The following GALNT3 variants were observed in gnomAD, a reference collection of about 807,000 sequenced individuals.
GALNT3 encodes the protein GalNAc transferase 3.
GALNT3 carries 51 observed loss-of-function variants against 69.8 expected under a neutral mutation model. That is an observed-to-expected ratio of 0.73 (90% CI 0.58 to 0.92). GALNT3 has a LOEUF of 0.92. GALNT3 is among the 40% of genes least tolerant of loss of function. The pLI is 0.00. For missense variants in GALNT3, 711 were observed against 760.0 expected (o/e 0.94, Z 0.76); for synonymous variants, 265 against 248.5 (o/e 1.07, Z -0.63).
rs1210073487 is a variant in GALNT3 at position 165,757,163 on chromosome 2, G to A, written c.1276C>T (p.Pro426Ser). The A allele has an allele frequency of 6.2e-7, 1 of 1,613,962 alleles. No homozygotes were observed. Among genetic ancestry groups the A allele is most frequent in the African/African-American group, 1.3e-5 (1 of 74,912 alleles). Residue 426 changes from proline to serine, a missense_variant, in exon 7 of 11, where the codon CCA becomes TCA. Transcript: ENST00000392701. ...VFRSKSPHSF[P>S]KGTQVIARNQ... ...CTAGCAATCACCTGAGTGCCTTTTG[G>A]AAAGCTATGAGGGCTTTTGCTGCGA...
rs184192232 is a variant in GALNT3 at position 165,779,215 on chromosome 2, A to G, written c.-108-8407T>C. 9.2e-4 allele frequency among the ~76,000 whole-genome samples: 140 copies of G among 152,328 alleles called. No homozygotes were observed. The Middle Eastern group carries it at 0.017, about 19-fold the overall frequency. The stretch of plus-strand genomic sequence containing the variant: ...GAAACCAGAAAGAGAAGCCTCAGCC[A>G]CTTCAGTGTCCCTCCAGTGCCCTCT... On this transcript the variant is annotated intron_variant, in intron 1 of 10. Transcript: ENST00000392701.
chr2:165,791,058 T>C (rs1683336983), intron 1 of GALNT3, among the ~76,000 whole-genome samples: 1 of 152,074 alleles, frequency 6.6e-6, no homozygotes, highest in African/African-American at 2.4e-5. Context: ...TGTTCCCAAA[T>C]ACACTACAGC....
intron 1 of GALNT3, among the ~76,000 whole-genome samples, chr2:165,789,807 A>C (rs185593639): frequency 2.0e-5 from 3 of 152,326 alleles, no homozygotes; most frequent in African/African-American, 7.2e-5. Flanking sequence ...AGTATTATGT[A>C]ATCAAACAGC....
intron 1 of GALNT3, among the ~76,000 whole-genome samples, chr2:165,790,305 T>A (rs1432301375): frequency 1.3e-5 from 2 of 152,086 alleles, no homozygotes; most frequent in African/African-American, 4.8e-5. Context: ...GAATTCAGAG[T>A]CCTACTTGTC....
chr2:165,787,737 G>A (rs1159699603), intron 1 of GALNT3, among the ~76,000 whole-genome samples: 2 of 152,080 alleles, frequency 1.3e-5, no homozygotes, highest in Non-Finnish European at 2.9e-5. Flanking sequence ...GTTTGGTCTA[G>A]TCTAACTCAA....
chr2:165,791,813 T>C (rs930071837), intron 1 of GALNT3, among the ~76,000 whole-genome samples: 1 of 152,198 alleles, frequency 6.6e-6, no homozygotes, highest in African/African-American at 2.4e-5. Flanking sequence ...ATCATCAATA[T>C]GCATGCTATT....
At chr2:165,755,214 A>C (rs559115132) in intron 7 of GALNT3, 151 bp from the exon 8 acceptor site, 1 of 770,838 alleles carries the variant, frequency 1.3e-6, no homozygotes, top group Admixed American at 2.1e-5. Context: ...TCATTCATTC[A>C]AGTAAAAACC....
intron 9 of GALNT3, among the ~76,000 whole-genome samples, chr2:165,753,491 C>A (rs1688388288): frequency 6.6e-6 from 1 of 151,990 alleles, no homozygotes; most frequent in Non-Finnish European, 1.5e-5. Context: ...TCTATACCCC[C>A]AGAACACTCT....
intron 2 of GALNT3, among the ~76,000 whole-genome samples, chr2:165,769,222 A>G (rs2105418355): frequency 1.4e-5 from 2 of 143,646 alleles, no homozygotes; most frequent in East Asian, 2.2e-4. Context: ...CCTGGCCAAC[A>G]TGGTGAAACC....
chr2:165,776,345 G>A (rs1688845917), intron 1 of GALNT3, among the ~76,000 whole-genome samples: 1 of 152,070 alleles, frequency 6.6e-6, no homozygotes, highest in South Asian at 2.1e-4. Context: ...AAAAAAATCA[G>A]CACAACAGCA....
At chr2:165,771,044 C>T (rs994715930) in intron 1 of GALNT3, among the ~76,000 whole-genome samples, 1 of 152,044 alleles carries the variant, frequency 6.6e-6, no homozygotes, top group Non-Finnish European at 1.5e-5. Context: ...TTAAAAAATA[C>T]ATTCTTTTTA....
Position 165,748,034 on chromosome 2 carries a change from C to T in GALNT3, c.*747G>A, listed in dbSNP as rs2105396911. The T allele has an allele frequency of 5.6e-6, 1 of 179,158 alleles. No individual in the cohort carries two copies. The highest frequency in any genetic ancestry group is 2.0e-4 in the South Asian group (1 of 5,038). 11.1% of individuals were successfully genotyped at this position (179,158 alleles called of 1,614,324 possible). A position where few individuals can be genotyped will look rare whatever the true frequency, so the allele number is the denominator to read the frequency against. On this transcript the variant is annotated 3_prime_UTR_variant, in exon 11 of 11. Transcript: ENST00000392701. ...AAAATACTAGAAGAAAGGAAAAGGA[C>T]ACCTTTTCAACAGATAGTAATTTAT...
Position 165,761,904 on chromosome 2 carries a change from C to G in GALNT3, c.838+1G>C. 9.9e-6 allele frequency: 16 copies of G among 1,614,026 alleles called. No individual in the cohort carries two copies. The highest frequency in any genetic ancestry group is 1.4e-5 in the Non-Finnish European group (16 of 1,179,924). On this transcript the variant is annotated splice_donor_variant, in intron 4 of 10. Coordinates refer to ENST00000392701, the MANE Select transcript of GALNT3 (RefSeq NM_004482.4). LOFTEE classifies it high-confidence loss of function. ...AACCATATCCATACATATATACTTA[C>G]AGTGAGCATCTAAAAATGTGAGCGT...
chr2:165,780,087 A>AT (rs1683070565), intron 1 of GALNT3, among the ~76,000 whole-genome samples: 1 of 152,200 alleles, frequency 6.6e-6, no homozygotes, highest in African/African-American at 2.4e-5. Flanking sequence ...CAGCAGCGCT[A>AT]TCCCAGTCAA....
chr2:165,748,791 TG>T lies in GALNT3; in HGVS notation c.1891del (p.Gln631LysfsTer11). 6.2e-7 allele frequency: 1 copy of T among 1,610,592 alleles called. No individual in the cohort carries two copies. Among genetic ancestry groups the T allele is most frequent in the Non-Finnish European group, 8.5e-7 (1 of 1,177,938 alleles). On this transcript the variant is annotated frameshift_variant, in exon 11 of 11. Coordinates refer to ENST00000392701, the MANE Select transcript of GALNT3 (RefSeq NM_004482.4). LOFTEE classifies it high-confidence loss of function. The part of the protein sequence containing the change: ...SDPLQKWILS[Q>X]ND ...AATTTTAAGGAACACTTAATCATTTTGGCTAAGTATCCATTTTTGGAGTGGA... is the reference window on the plus strand; with the variant it reads ...AATTTTAAGGAACACTTAATCATTTTGCTAAGTATCCATTTTTGGAGTGGA...
Position 165,770,664 on chromosome 2 carries a change from T to C in GALNT3, c.37A>G (p.Lys13Glu). The C allele has an allele frequency of 6.2e-7, 1 of 1,605,772 alleles. No homozygotes were observed. The highest frequency in any genetic ancestry group is 8.5e-7 in the Non-Finnish European group (1 of 1,179,090). The change falls in exon 2 of 11, where the codon AAA (lysine) becomes GAA (glutamate). Residue 13 changes from lysine (K) to glutamate (E), a missense_variant. By Grantham distance (56) the Lys-to-Glu change is moderately conservative. Transcript: ENST00000392701. ...HLKRLVKLHI[K>E]RHYHKKFWKL... is the part of the protein sequence containing the mutation. ...CAGAACTTTTTATGGTAATGTCTTT[T>C]AATGTGTAATTTTACTAGTCGCTTT...
chr2:165,760,537 A>G (rs1346013726), intron 4 of GALNT3, among the ~76,000 whole-genome samples: 2 of 152,232 alleles, frequency 1.3e-5, no homozygotes, highest in African/African-American at 4.8e-5. Flanking sequence ...AATGTCCAGT[A>G]TGATCTTATT....
rs548535419 is a variant in GALNT3, at chr2:165,765,141, T to C, written c.516-85A>G. The C allele has an allele frequency of 5.5e-4, 622 of 1,128,856 alleles. 2 individuals carry two copies. The highest frequency in any genetic ancestry group is 7.6e-4 in the Non-Finnish European group (576 of 759,352). The allele number at this position is 1,128,856 out of a possible 1,614,324, so 69.9% of individuals were successfully genotyped here. Reference sequence around the variant, plus strand: ...TATACCATTGCTAACATTATCATTATTGAATCTTTATCACTGAAAAAGGAT... The same window carrying C: ...TATACCATTGCTAACATTATCATTACTGAATCTTTATCACTGAAAAAGGAT... On this transcript the variant is annotated intron_variant, in intron 2 of 10. Coordinates refer to ENST00000392701, the MANE Select transcript of GALNT3 (RefSeq NM_004482.4).
At chr2:165,759,214 T>G in intron 5 of GALNT3, 122 bp downstream of exon 5, 1 of 803,898 alleles carries the variant, frequency 1.2e-6, no homozygotes, top group Admixed American at 2.1e-5. Flanking sequence ...ATTCTCTTTA[T>G]ATAGAATATG....
Sources: allele counts gnomAD v4.1 joint callset (sites outside exome capture counted in the v4.1 genomes callset), GRCh38; gene constraint gnomAD v4.1.1; transcripts MANE v1.5; gene names NCBI Gene and HGNC (gene_info 2026-07-23, HGNC 2026-07-21).